CATSPERB: variants seen among roughly 807,000 people sequenced by gnomAD.
CATSPERB encodes the protein catsper channel auxiliary subunit beta.
Under a neutral mutation model 128.3 loss-of-function variants are expected in CATSPERB, and 93 were observed. That is an observed-to-expected ratio of 0.72 (90% CI 0.61 to 0.86). The LOEUF (loss-of-function observed/expected upper bound fraction) is 0.86. Ranked by LOEUF, CATSPERB falls within the 40% of genes least tolerant of loss-of-function variation. The probability of loss-of-function intolerance (pLI) is 0.00; values close to 1 mark genes in which losing one functional copy is unlikely to be tolerated. For missense variants in CATSPERB, 1,153 were observed against 1,329.5 expected, an observed-to-expected ratio of 0.87 and a Z score of 2.06; for synonymous variants, 381 against 448.8, an observed-to-expected ratio of 0.85 and a Z score of 1.91.
At chr14:91,603,339 A>C (rs1893640608) in intron 22 of CATSPERB, 3 of 1,605,940 alleles carry the variant, frequency 1.9e-6, no homozygotes, top group Non-Finnish European at 2.6e-6. Context: ...GGGTGGTTTC[A>C]ACACTACATC....
chr14:91,612,056 CTTTCTTTCTTCCTTTT>C (rs1893842366), intron 20 of CATSPERB, among the ~76,000 whole-genome samples: 1 of 97,078 alleles, frequency 1.0e-5, no homozygotes, highest in Non-Finnish European at 2.4e-5. Flanking sequence ...TTCTTTCTTT[CTTTCTTTCTTCCTTTT>C]TTTAAGAGAT....
At chr14:91,635,143 C>T (rs1330301986) in intron 17 of CATSPERB, among the ~76,000 whole-genome samples, 1 of 151,966 alleles carries the variant, frequency 6.6e-6, no homozygotes, top group Non-Finnish European at 1.5e-5. Flanking sequence ...TTCATAAGGA[C>T]ACTAATTCCA....
intron 15 of CATSPERB, among the ~76,000 whole-genome samples, chr14:91,649,331 ATG>A (rs55880138): frequency 0.017 from 2,481 of 147,406 alleles, 60 homozygotes; most frequent in African/African-American, 0.052. Context: ...GTATACATAT[ATG>A]TGTGTGTGTG....
chr14:91,598,489 T>C (rs1461139441), intron 22 of CATSPERB, among the ~76,000 whole-genome samples: 1 of 152,176 alleles, frequency 6.6e-6, no homozygotes, highest in Non-Finnish European at 1.5e-5. Flanking sequence ...TTACCTAGAT[T>C]ATTTATGAAA....
chr14:91,594,524 A>T (rs984885106), intron 22 of CATSPERB, among the ~76,000 whole-genome samples: 1 of 152,018 alleles, frequency 6.6e-6, no homozygotes, highest in African/African-American at 2.4e-5. Context: ...GAACTCTGCC[A>T]TGATTCTGAG....
intron 14 of CATSPERB, among the ~76,000 whole-genome samples, chr14:91,669,083 GAATGGATT>G (rs1350363828): frequency 1.3e-5 from 2 of 152,272 alleles, no homozygotes; most frequent in East Asian, 3.9e-4. Flanking sequence ...AGCAGTGTGA[GAATGGATT>G]AATACATAAA....
intron 14 of CATSPERB, among the ~76,000 whole-genome samples, chr14:91,661,354 G>A (rs1462729659): frequency 6.6e-6 from 1 of 151,872 alleles, no homozygotes; most frequent in African/African-American, 2.4e-5. Flanking sequence ...CCATACTTGA[G>A]ATAGTCTACT....
rs142486995 is a variant in CATSPERB, at chr14:91,612,549, C to T, written c.2401-1872G>A. Among the ~76,000 whole-genome samples the T allele has an allele frequency of 5.5e-4, 83 of 152,132 alleles. No homozygotes were observed. In the East Asian group the frequency reaches 0.011, roughly 21 times the overall value. On this transcript the variant is annotated intron_variant, in intron 20 of 26. Coordinates refer to ENST00000256343, the MANE Select transcript of CATSPERB (RefSeq NM_024764.4). ...ATTTTTGCTAGATTTTAAAAATATA[C>T]GCACAGTAAATGTACTTGATCTTTG...
Position 91,661,524 on chromosome 14 carries a change from C to CATATATAG in CATSPERB, c.1288-1544_1288-1543insCTATATAT, listed in dbSNP as rs1555362518. On this transcript the variant is annotated intron_variant, in intron 14 of 26. Coordinates refer to ENST00000256343, the MANE Select transcript of CATSPERB (RefSeq NM_024764.4). ...ATTAAGCTGCTGAGTCAGATGCTAT[C>CATATATAG]ATATATATATATATATATATATATT... Among the ~76,000 whole-genome samples, 75 of 127,052 alleles carry CATATATAG rather than the reference C, an allele frequency of 5.9e-4. 2 individuals are homozygous for CATATATAG. In the South Asian group the frequency reaches 0.016, roughly 28 times the overall value. The allele number at this position is 127,052 out of a possible 152,430, so 83.4% of individuals were successfully genotyped here.
chr14:91,642,737 G>A (rs1595160597), intron 15 of CATSPERB, among the ~76,000 whole-genome samples: 4 of 138,096 alleles, frequency 2.9e-5, no homozygotes, highest in African/African-American at 1.1e-4. Flanking sequence ...ATGAGTTAGG[G>A]AGGATTCCCT....
chr14:91,646,604 C>T (rs1894611284), intron 15 of CATSPERB, among the ~76,000 whole-genome samples: 1 of 152,212 alleles, frequency 6.6e-6, no homozygotes. Context: ...GACCTTATCT[C>T]CTATGACTTT....
chr14:91,657,228 C>T (rs1217517845), intron 15 of CATSPERB, among the ~76,000 whole-genome samples: 4 of 152,044 alleles, frequency 2.6e-5, no homozygotes, highest in African/African-American at 7.2e-5. Flanking sequence ...GCAGAATGCA[C>T]GCTCTTCTCC....
At chr14:91,671,555 C>T (rs1161435509) in intron 13 of CATSPERB, among the ~76,000 whole-genome samples, 1 of 151,914 alleles carries the variant, frequency 6.6e-6, no homozygotes, top group East Asian at 1.9e-4. Flanking sequence ...TGCACCATTG[C>T]ACTCCAGCCT....
chr14:91,694,961 C>T (rs532702870), intron 7 of CATSPERB, among the ~76,000 whole-genome samples: 99 of 152,036 alleles, frequency 6.5e-4, no homozygotes, highest in Non-Finnish European at 1.2e-3. Context: ...ATTTGTAGAA[C>T]GAGTCATATT....
At chr14:91,654,762 T>C (rs1215656981) in intron 15 of CATSPERB, among the ~76,000 whole-genome samples, 2 of 151,992 alleles carry the variant, frequency 1.3e-5, no homozygotes, top group Non-Finnish European at 2.9e-5. Flanking sequence ...TGAACATAGG[T>C]AGTAGCCAGG....
chr14:91,673,888 A>G (rs1895145136), intron 12 of CATSPERB, among the ~76,000 whole-genome samples: 1 of 152,126 alleles, frequency 6.6e-6, no homozygotes, highest in Non-Finnish European at 1.5e-5. Flanking sequence ...TCTCAAAAAA[A>G]AAAAAAATCC....
chr14:91,632,031 A>G (rs1406389132), intron 17 of CATSPERB, among the ~76,000 whole-genome samples: 1 of 152,144 alleles, frequency 6.6e-6, no homozygotes, highest in Non-Finnish European at 1.5e-5. Context: ...GCAAGAAGAG[A>G]AGACAAAAAT....
At chr14:91,606,117 A>C (rs968418950) in intron 22 of CATSPERB, among the ~76,000 whole-genome samples, 1 of 152,080 alleles carries the variant, frequency 6.6e-6, no homozygotes, top group Admixed American at 6.5e-5. Flanking sequence ...TGGAGGTTGC[A>C]GTGAGCCAAG....
At chr14:91,678,243 T>TA in intron 11 of CATSPERB, among the ~76,000 whole-genome samples, 1 of 152,028 alleles carries the variant, frequency 6.6e-6, no homozygotes, top group Admixed American at 6.6e-5. Context: ...TAAAGTAAAA[T>TA]AAAAAACAAA....
Sources: gnomAD v4.1 joint callset for allele counts (sites outside exome capture counted in the v4.1 genomes callset) on GRCh38, gnomAD v4.1.1 for gene constraint, MANE v1.5 for transcripts, NCBI Gene and HGNC (gene_info 2026-07-23, HGNC 2026-07-21) for gene names.